SPG7: variants seen among roughly 807,000 people sequenced by gnomAD.
SPG7 encodes the protein SPG7 matrix AAA peptidase subunit, paraplegin.
Under a neutral mutation model 81.9 loss-of-function variants are expected in SPG7, and 103 were observed. That is an observed-to-expected ratio of 1.26 (90% CI 1.07 to 1.48). The LOEUF is 1.48. Among genes scored for constraint, SPG7 ranks in the 40% most tolerant of loss-of-function variants. The pLI is 0.00. For missense variants in SPG7, 1,241 were observed against 1,087.3 expected (o/e 1.14, Z -1.99); for synonymous variants, 534 against 444.2 (o/e 1.20, Z -2.54).
Position 89,526,442 on chromosome 16 carries a change from C to T in SPG7, c.732C>T (p.Ser244=). The part of the protein sequence containing the change: ...NIEAKDRIPV[S]YKRTGFFGNA... Reference sequence around the variant, plus strand: ...AGGCCAAGGACAGGATCCCAGTTTCCTACAAGCGAACAGGATTCTTTGGAA... The same window carrying T: ...AGGCCAAGGACAGGATCCCAGTTTCTTACAAGCGAACAGGATTCTTTGGAA... Residue 244 remains serine (S), a synonymous_variant, in exon 5 of 17, where the codon TCC becomes TCT. Transcript: ENST00000645818. 6.2e-7 allele frequency: 1 copy of T among 1,614,212 alleles called. No individual in the cohort carries two copies. Among genetic ancestry groups the T allele is most frequent in the South Asian group, 1.1e-5 (1 of 91,090 alleles).
chr16:89,531,730 C>A, intron 7 of SPG7, 174 bp from the exon 8 acceptor site: 1 of 669,036 alleles, frequency 1.5e-6, no homozygotes, highest in South Asian at 1.7e-5. Context: ...ATATTCCCAG[C>A]TACTCGAGAG....
chr16:89,557,659 ACTT>A lies in SPG7; in HGVS notation c.*570_*572del, dbSNP rs1327775109. On this transcript the variant is annotated 3_prime_UTR_variant, in exon 17 of 17. Coordinates refer to ENST00000645818, the MANE Select transcript of SPG7 (RefSeq NM_003119.4). ...CCATGTGGACTGGTGCAAGTTGAGG[ACTT>A]CTTGCTGGTCTAGTCACGCATGCAG... is the stretch of plus-strand genomic sequence containing the variant. 2 of 164,016 alleles carry A rather than the reference ACTT, an allele frequency of 1.2e-5. No individual in the cohort carries two copies. Among genetic ancestry groups the A allele is most frequent in the South Asian group, 1.6e-4 (1 of 6,390 alleles). 10.2% of individuals were successfully genotyped at this position (164,016 alleles called of 1,614,324 possible). A position where few individuals can be genotyped will look rare whatever the true frequency, so the allele number is the denominator to read the frequency against.
chr16:89,515,594 G>A (rs2058084743), intron 3 of SPG7, among the ~76,000 whole-genome samples: 1 of 150,356 alleles, frequency 6.7e-6, no homozygotes, highest in Non-Finnish European at 1.5e-5. Flanking sequence ...AAATTTGCTG[G>A]GTAGGTGCGG....
chr16:89,515,083 C>G (rs2058077837), intron 3 of SPG7, among the ~76,000 whole-genome samples: 1 of 150,386 alleles, frequency 6.6e-6, no homozygotes, highest in Non-Finnish European at 1.5e-5. Flanking sequence ...ACTACAGGTG[C>G]CCGCCACCAT....
chr16:89,530,267 T>A, intron 6 of SPG7: 1 of 332,128 alleles, frequency 3.0e-6, no homozygotes, highest in South Asian at 2.5e-5. Flanking sequence ...GCTTCAGCCT[T>A]CCAAGTAGCT....
chr16:89,534,540 T>C (rs957849967), intron 9 of SPG7, among the ~76,000 whole-genome samples: 5 of 152,220 alleles, frequency 3.3e-5, no homozygotes, highest in African/African-American at 1.2e-4. Flanking sequence ...AGACTTTTTT[T>C]CCCCAAGTGT....
intron 9 of SPG7, chr16:89,537,783 G>C: frequency 1.0e-6 from 1 of 985,456 alleles, no homozygotes; most frequent in Non-Finnish European, 1.2e-6. Context: ...GGCAGTGAAT[G>C]AGGTCCTGGG....
At chr16:89,537,670 A>C (rs1305697031) in intron 9 of SPG7, 1 of 974,366 alleles carries the variant, frequency 1.0e-6, no homozygotes, top group South Asian at 4.7e-5. Flanking sequence ...TTGAGTCACC[A>C]TGCCAGGCTC....
chr16:89,511,946 C>T (rs145031870), intron 2 of SPG7, among the ~76,000 whole-genome samples: 1 of 152,000 alleles, frequency 6.6e-6, no homozygotes, highest in African/African-American at 2.4e-5. Flanking sequence ...GAGTCTTGCT[C>T]TGTCTCCCAG....
At chr16:89,530,442 CTGAG>C in intron 6 of SPG7, 1 of 565,542 alleles carries the variant, frequency 1.8e-6, no homozygotes, top group Admixed American at 2.7e-5. Flanking sequence ...CCATGCCTGG[CTGAG>C]TAATTTTTTT....
chr16:89,508,622 GC>G, intron 1 of SPG7, 22 bp downstream of exon 1: 1 of 1,438,454 alleles, frequency 7.0e-7, no homozygotes, highest in Non-Finnish European at 9.1e-7. Flanking sequence ...CGGAGTCCGG[GC>G]CCCACCTCCC....
intron 9 of SPG7, among the ~76,000 whole-genome samples, chr16:89,536,480 G>GCGGC (rs2058420450): frequency 6.9e-6 from 1 of 144,210 alleles, no homozygotes; most frequent in Non-Finnish European, 1.5e-5. Flanking sequence ...GGTGAGGCGG[G>GCGGC]TGAGGTCAGG....
chr16:89,553,548 A>G (rs1597664688), intron 14 of SPG7: 4 of 565,156 alleles, frequency 7.1e-6, no homozygotes, highest in African/African-American at 3.8e-5. Flanking sequence ...ACTGCCATGC[A>G]GTGAGCTCCA....
intron 7 of SPG7, chr16:89,531,056 T>C: frequency 1.7e-6 from 1 of 594,778 alleles, no homozygotes; most frequent in Non-Finnish European, 3.0e-6. Flanking sequence ...TTAGCCGTCC[T>C]GGGCCCTTCA....
At chr16:89,541,784 A>C (rs945678102) in intron 9 of SPG7, 3 of 152,248 alleles carry the variant, frequency 2.0e-5, no homozygotes, top group African/African-American at 7.2e-5. Flanking sequence ...GGTCCCAGAA[A>C]GTCCGTATCC....
chr16:89,526,555 C>T (rs1476811082), intron 5 of SPG7, 87 bp downstream of exon 5: 2 of 1,477,964 alleles, frequency 1.4e-6, no homozygotes, highest in Non-Finnish European at 1.9e-6. Flanking sequence ...AAATCTCAAA[C>T]TGTCTTTGCC....
chr16:89,546,982 G>A (rs569322074), intron 11 of SPG7: 22 of 536,710 alleles, frequency 4.1e-5, no homozygotes, highest in Admixed American at 2.2e-4. Flanking sequence ...AAAAGCAGAC[G>A]GTGGTTCCCG....
In SPG7 at chr16:89,532,007, C is replaced by G; in HGVS notation, c.1091C>G (p.Thr364Arg). ...ACGCTGCTGGCCAAGGCGGTGGCCACGGAGGCTCAGGTGCCCTTCCTGGCG... is the reference window on the plus strand; with the variant it reads ...ACGCTGCTGGCCAAGGCGGTGGCCAGGGAGGCTCAGGTGCCCTTCCTGGCG... ...GKTLLAKAVA[T>R]EAQVPFLAMA... The change falls in exon 8 of 17, where the codon ACG (threonine) becomes AGG (arginine). Residue 364 changes from threonine (T) to arginine (R), a missense_variant. Thr to Arg is a moderately conservative substitution (Grantham distance 71, BLOSUM62 -1). Coordinates refer to ENST00000645818, the MANE Select transcript of SPG7 (RefSeq NM_003119.4). The G allele has an allele frequency of 1.2e-6, 2 of 1,613,800 alleles. No homozygotes were observed. The highest frequency in any genetic ancestry group is 1.7e-6 in the Non-Finnish European group (2 of 1,179,962).
chr16:89,550,537 A>G lies in SPG7; in HGVS notation c.1707A>G (p.Lys569=). Residue 569 remains lysine, a synonymous_variant, in exon 13 of 17, where the codon AAA becomes AAG. Transcript: ENST00000645818. ...KSKILSKEEQ[K]VVAFHESGHA... ...AGATCCTGTCCAAGGAAGAACAGAA[A>G]GTGGTTGCGTTTCATGAGTCGGGCC... is the stretch of plus-strand genomic sequence containing the variant. The G allele has an allele frequency of 2.5e-6, 4 of 1,614,048 alleles. No individual in the cohort carries two copies. Among genetic ancestry groups the G allele is most frequent in the Non-Finnish European group, 3.4e-6 (4 of 1,180,000 alleles).
Sources: allele counts gnomAD v4.1 joint callset (sites outside exome capture counted in the v4.1 genomes callset), GRCh38; gene constraint gnomAD v4.1.1; transcripts MANE v1.5; gene names NCBI Gene and HGNC (gene_info 2026-07-23, HGNC 2026-07-21).